The following PRKCE variants were observed in gnomAD, a reference collection of about 807,000 sequenced individuals.
PRKCE encodes the protein protein kinase C epsilon type.
In PRKCE, 16 loss-of-function variants were observed where a neutral mutation model predicts 85.4. That is an observed-to-expected ratio of 0.19 (90% CI 0.13 to 0.28). The LOEUF is 0.28. Among genes scored for constraint, PRKCE ranks in the 10% least tolerant of loss-of-function variants. The probability of loss-of-function intolerance (pLI) is 1.00; values close to 1 mark genes in which losing one functional copy is unlikely to be tolerated. For synonymous variants in PRKCE, 388 were observed against 371.5 expected (o/e 1.04, Z -0.51); for missense variants, 573 against 975.2 (o/e 0.59, Z 5.49).
chr2:45,805,798 C>T (rs1336056179), intron 1 of PRKCE, among the ~76,000 whole-genome samples: 1 of 152,090 alleles, frequency 6.6e-6, no homozygotes, highest in Admixed American at 6.5e-5. Context: ...AGGGTTTCAC[C>T]ATGATGGCCA....
At chr2:46,089,043 AC>A (rs1434779383) in intron 11 of PRKCE, among the ~76,000 whole-genome samples, 1 of 152,080 alleles carries the variant, frequency 6.6e-6, no homozygotes, top group Non-Finnish European at 1.5e-5. Context: ...CCTTCCTCTC[AC>A]CAACCTGTGA....
chr2:46,169,451 A>G (rs894220860), intron 14 of PRKCE, among the ~76,000 whole-genome samples: 3 of 152,088 alleles, frequency 2.0e-5, no homozygotes, highest in Non-Finnish European at 1.5e-5. Flanking sequence ...TTCTGGACCT[A>G]TTTCGCCTTA....
intron 1 of PRKCE, among the ~76,000 whole-genome samples, chr2:45,691,471 T>A (rs1677721178): frequency 6.6e-6 from 1 of 152,226 alleles, no homozygotes. Context: ...ATATTGGTTT[T>A]TAGCATTTGT....
intron 2 of PRKCE, among the ~76,000 whole-genome samples, chr2:45,870,684 C>A (rs1694020752): frequency 6.6e-6 from 1 of 152,116 alleles, no homozygotes; most frequent in Non-Finnish European, 1.5e-5. Flanking sequence ...GTTTTTGGAG[C>A]CAGACACAGT....
chr2:46,059,922 A>G (rs1666945598), intron 10 of PRKCE, among the ~76,000 whole-genome samples: 1 of 152,242 alleles, frequency 6.6e-6, no homozygotes, highest in South Asian at 2.1e-4. Context: ...CTTAACTTCA[A>G]AGGATATTGC....
At chr2:45,923,589 C>T (rs1359024126) in intron 2 of PRKCE, among the ~76,000 whole-genome samples, 2 of 152,206 alleles carry the variant, frequency 1.3e-5, no homozygotes, top group Non-Finnish European at 2.9e-5. Flanking sequence ...GTGCCCTCAG[C>T]CCTGTCTTAG....
At position 46,105,872 on chromosome 2, in the gene PRKCE, A is replaced by G. The variant is rs146398023; in HGVS notation, c.1592+19510A>G. Among the ~76,000 whole-genome samples, 863 of 152,356 alleles carry G rather than the reference A, an allele frequency of 5.7e-3. 10 individuals are homozygous for G. Among genetic ancestry groups the G allele is most frequent in the African/African-American group, 0.02 (819 of 41,588 alleles). On this transcript the variant is annotated intron_variant, in intron 11 of 14. Transcript: ENST00000306156. ...TTATGACTACATACTGCATCATTAC[A>G]TTCATTTACATTTTTCATGACTGCA...
At chr2:46,100,880 T>G (rs142904561) in intron 11 of PRKCE, among the ~76,000 whole-genome samples, 2,790 of 147,232 alleles carry the variant, frequency 0.019, 38 homozygotes, top group South Asian at 0.038. Flanking sequence ...TCTTCTCTTC[T>G]CTTTTCTTGA....
chr2:45,857,775 T>C (rs954857683), intron 2 of PRKCE, among the ~76,000 whole-genome samples: 2 of 152,192 alleles, frequency 1.3e-5, no homozygotes, highest in African/African-American at 4.8e-5. Context: ...GTACAAACTC[T>C]TTAGGATCTA....
chr2:45,999,878 A>G (rs540585999), intron 6 of PRKCE, among the ~76,000 whole-genome samples: 24 of 152,274 alleles, frequency 1.6e-4, no homozygotes, highest in Non-Finnish European at 2.6e-4. Context: ...AGCCATGTCT[A>G]GACTACTAAT....
intron 14 of PRKCE, among the ~76,000 whole-genome samples, chr2:46,160,353 T>C (rs1391123039): frequency 3.9e-5 from 6 of 152,196 alleles, no homozygotes; most frequent in African/African-American, 1.4e-4. Context: ...GGAGGGGGCA[T>C]GTAACACAGG....
intron 1 of PRKCE, among the ~76,000 whole-genome samples, chr2:45,814,035 C>T (rs1201178041): frequency 6.6e-6 from 1 of 152,104 alleles, no homozygotes; most frequent in Non-Finnish European, 1.5e-5. Context: ...GAAGCCCCCA[C>T]CTCCGGTCCC....
chr2:45,828,622 AG>A (rs1690150704), intron 1 of PRKCE, among the ~76,000 whole-genome samples: 1 of 152,232 alleles, frequency 6.6e-6, no homozygotes, highest in South Asian at 2.1e-4. Context: ...ACTGAAAATC[AG>A]GATGACTGAG....
chr2:46,145,108 C>T lies in PRKCE; in HGVS notation c.1608C>T (p.Asp536=), dbSNP rs538373400. The stretch of plus-strand genomic sequence containing the variant: ...TATCTTGCAGGGATTTGAAACTGGA[C>T]AACATCCTTCTGGATGCAGAAGGTC... ...HGVIYRDLKL[D]NILLDAEGHC... Residue 536 remains aspartate (D), a synonymous_variant, in exon 12 of 15, where the codon GAC becomes GAT. Transcript: ENST00000306156. The surrounding 1 kb of genome is among the most constrained non-coding windows in gnomAD (Gnocchi z 4.6). The T allele has an allele frequency of 1.1e-5, 18 of 1,599,720 alleles. No homozygotes were observed. The African/African-American group carries it at 2.4e-4, about 21-fold the overall frequency.
At chr2:45,939,419 C>T (rs766443262) in intron 2 of PRKCE, among the ~76,000 whole-genome samples, 2 of 152,186 alleles carry the variant, frequency 1.3e-5, no homozygotes, top group Non-Finnish European at 2.9e-5. Flanking sequence ...TTCATCATTT[C>T]ATACCGTATT....
intron 1 of PRKCE, among the ~76,000 whole-genome samples, chr2:45,755,027 A>C (rs1201700281): frequency 1.3e-5 from 2 of 152,228 alleles, no homozygotes; most frequent in Non-Finnish European, 2.9e-5. Flanking sequence ...GCCTGCAAGT[A>C]ATGTGGCCGG....
At chr2:45,996,225 A>G (rs954018705) in intron 6 of PRKCE, among the ~76,000 whole-genome samples, 1 of 152,166 alleles carries the variant, frequency 6.6e-6, no homozygotes, top group Non-Finnish European at 1.5e-5. Context: ...CAATCTGGCT[A>G]TAATCATTAT....
chr2:45,796,947 T>C (rs149857704), intron 1 of PRKCE, among the ~76,000 whole-genome samples: 1 of 152,260 alleles, frequency 6.6e-6, no homozygotes, highest in Admixed American at 6.5e-5. Context: ...TTTAATGTTA[T>C]AGATAAAGAG....
At chr2:45,954,510 C>G (rs1313080504) in intron 2 of PRKCE, among the ~76,000 whole-genome samples, 1 of 152,132 alleles carries the variant, frequency 6.6e-6, no homozygotes, top group Non-Finnish European at 1.5e-5. Context: ...GATTAAAAGA[C>G]TAATTAAATT....
Sources: allele counts gnomAD v4.1 joint callset (sites outside exome capture counted in the v4.1 genomes callset), GRCh38; gene constraint gnomAD v4.1.1; non-coding constraint Gnocchi (gnomAD v3.1); transcripts MANE v1.5; gene names NCBI Gene and HGNC (gene_info 2026-07-23, HGNC 2026-07-21).